ARHGAP19: variants seen among roughly 807,000 people sequenced by gnomAD.
ARHGAP19 encodes the protein Rho GTPase activating protein 19, also known as rho GTPase-activating protein 19.
A neutral mutation model predicts 60.9 loss-of-function variants in ARHGAP19; 48 were observed. The ratio of observed to expected loss-of-function variants is 0.79; its 90% CI spans 0.62 to 1.00. The LOEUF is 1.00. Ranked by LOEUF, ARHGAP19 falls within the 50% of genes least tolerant of loss-of-function variation. The pLI is 0.00. For synonymous variants in ARHGAP19, 209 were observed against 215.5 expected (o/e 0.97, Z 0.27); for missense variants, 562 against 597.2 (o/e 0.94, Z 0.61).
chr10:97,280,089 G>C (rs192693222), intron 1 of ARHGAP19, among the ~76,000 whole-genome samples: 1 of 152,168 alleles, frequency 6.6e-6, no homozygotes, highest in East Asian at 1.9e-4. Flanking sequence ...AGTGTACAAT[G>C]GGAAGAAAGT....
chr10:97,265,017 T>A (rs993610600), intron 2 of ARHGAP19, 111 bp from the exon 3 acceptor site: 3 of 807,550 alleles, frequency 3.7e-6, no homozygotes, highest in African/African-American at 1.7e-5. Context: ...CATTTTCACA[T>A]GGTCAGTAAA....
intron 5 of ARHGAP19, among the ~76,000 whole-genome samples, chr10:97,257,282 C>CTTTTTTTTTTTTTTTTTTTTTTTTT (rs34047177): frequency 1.2e-5 from 1 of 81,620 alleles, no homozygotes; most frequent in African/African-American, 4.2e-5. Flanking sequence ...CTTTTAAATA[C>CTTTTTTTTTTTTTTTTTTTTTTTTT]TTTTTTTTTT....
intron 8 of ARHGAP19, among the ~76,000 whole-genome samples, chr10:97,242,932 G>A (rs1842511426): frequency 6.6e-6 from 1 of 152,184 alleles, no homozygotes; most frequent in Admixed American, 6.5e-5. Flanking sequence ...TTACAGGTGT[G>A]AGCCACCGCG....
chr10:97,262,232 G>T (rs1285872821), intron 4 of ARHGAP19, among the ~76,000 whole-genome samples: 1 of 150,378 alleles, frequency 6.6e-6, no homozygotes, highest in East Asian at 1.9e-4. Flanking sequence ...ACTAACCAGT[G>T]TTACTGGTGT....
intron 6 of ARHGAP19, among the ~76,000 whole-genome samples, chr10:97,246,924 A>G (rs574500233): frequency 1.3e-5 from 2 of 152,020 alleles, no homozygotes; most frequent in Admixed American, 6.6e-5. Context: ...GATCACCTGA[A>G]GTCAGGAGTT....
intron 2 of ARHGAP19, among the ~76,000 whole-genome samples, 195 bp from the exon 3 acceptor site, chr10:97,265,101 A>G (rs112699890): frequency 8.9e-4 from 135 of 152,332 alleles, no homozygotes; most frequent in African/African-American, 3.1e-3. Context: ...TCTAAGTTCA[A>G]TATTAGACTG....
At chr10:97,256,932 T>C (rs556413735) in intron 5 of ARHGAP19, among the ~76,000 whole-genome samples, 4 of 152,038 alleles carry the variant, frequency 2.6e-5, no homozygotes, top group South Asian at 4.2e-4. Flanking sequence ...CCATCCTGGC[T>C]AACACAGTGA....
At chr10:97,283,106 G>A (rs1843107120) in intron 1 of ARHGAP19, among the ~76,000 whole-genome samples, 1 of 151,516 alleles carries the variant, frequency 6.6e-6, no homozygotes, top group African/African-American at 2.4e-5. Flanking sequence ...GCCTCCCAAA[G>A]TGCTGGGATT....
intron 1 of ARHGAP19, chr10:97,274,888 C>T (rs974160804): frequency 9.2e-5 from 14 of 152,164 alleles, no homozygotes; most frequent in African/African-American, 3.1e-4. Context: ...AGAACAATTT[C>T]GGGGAGGTGG....
intron 8 of ARHGAP19, among the ~76,000 whole-genome samples, chr10:97,240,188 C>T (rs563846455): frequency 2.7e-5 from 4 of 150,786 alleles, no homozygotes; most frequent in African/African-American, 7.3e-5. Context: ...ACCTAGTACA[C>T]GTAGCAGCCA....
intron 9 of ARHGAP19, among the ~76,000 whole-genome samples, chr10:97,233,621 A>T (rs11189052): frequency 0.56 from 85,779 of 152,080 alleles, 25,858 homozygotes; most frequent in East Asian, 0.72. Context: ...TAATCCCAGT[A>T]CTTTGGAAGG....
chr10:97,236,963 T>C (rs867920835), intron 8 of ARHGAP19, among the ~76,000 whole-genome samples: 5 of 152,002 alleles, frequency 3.3e-5, no homozygotes, highest in African/African-American at 9.6e-5. Flanking sequence ...AGGAATGCAA[T>C]CATTAAAATC....
chr10:97,273,246 TCCA>T (rs1842982435), intron 1 of ARHGAP19, among the ~76,000 whole-genome samples: 12 of 152,136 alleles, frequency 7.9e-5, no homozygotes, highest in Admixed American at 7.2e-4. Flanking sequence ...CACTGCAACC[TCCA>T]CCTCCCAGAT....
chr10:97,263,314 TATTAATA>T, intron 4 of ARHGAP19, 99 bp downstream of exon 4: 1 of 1,157,768 alleles, frequency 8.6e-7, no homozygotes, highest in Non-Finnish European at 1.3e-6. Context: ...TCTTAACCAA[TATTAATA>T]GAAGTATTTC....
chr10:97,246,512 G>A (rs534942961), intron 6 of ARHGAP19, among the ~76,000 whole-genome samples, 175 bp from the exon 7 acceptor site: 1 of 152,244 alleles, frequency 6.6e-6, no homozygotes, highest in South Asian at 2.1e-4. Context: ...CCACCAAATA[G>A]ATACCTCAAC....
At chr10:97,291,494 A>T (rs376411297) in intron 1 of ARHGAP19, among the ~76,000 whole-genome samples, 6 of 151,982 alleles carry the variant, frequency 3.9e-5, no homozygotes, top group African/African-American at 1.5e-4. Context: ...GGCTTTCATC[A>T]TGTTCGCCAG....
chr10:97,244,944 GAAAGA>G (rs1405744519), intron 7 of ARHGAP19, among the ~76,000 whole-genome samples: 1 of 151,036 alleles, frequency 6.6e-6, no homozygotes, highest in Non-Finnish European at 1.5e-5. Flanking sequence ...CTTAGAACAG[GAAAGA>G]AAGGAAAGTA....
intron 4 of ARHGAP19, among the ~76,000 whole-genome samples, chr10:97,263,080 T>TCCAG (rs1235140109): frequency 6.6e-6 from 1 of 152,174 alleles, no homozygotes; most frequent in Non-Finnish European, 1.5e-5. Context: ...ACCACTGCAC[T>TCCAG]CCAGCCTAAG....
At chr10:97,283,151 T>C (rs781246567) in intron 1 of ARHGAP19, among the ~76,000 whole-genome samples, 16 of 152,138 alleles carry the variant, frequency 1.1e-4, no homozygotes, top group Non-Finnish European at 2.1e-4. Context: ...TGTTACTATG[T>C]AGTTTCTATG....
Sources: gnomAD v4.1 joint callset for allele counts (sites outside exome capture counted in the v4.1 genomes callset) on GRCh38, gnomAD v4.1.1 for gene constraint, MANE v1.5 for transcripts, NCBI Gene and HGNC (gene_info 2026-07-23, HGNC 2026-07-21) for gene names.